The following KIF21A variants were observed in gnomAD, a reference collection of about 807,000 sequenced individuals.
KIF21A encodes the protein kinesin-like protein KIF21A.
Under a neutral mutation model 202.9 loss-of-function variants are expected in KIF21A, and 114 were observed. The ratio of observed to expected loss-of-function variants is 0.56; its 90% CI spans 0.48 to 0.66. The LOEUF is 0.66. Among genes scored for constraint, KIF21A ranks in the 30% least tolerant of loss-of-function variants. KIF21A has a pLI of 0.00. For missense variants in KIF21A, 1,677 were observed against 1,994.9 expected (o/e 0.84, Z 3.04); for synonymous variants, 667 against 670.8 (o/e 0.99, Z 0.09).
At chr12:39,341,951 A>G in intron 13 of KIF21A, 83 bp downstream of exon 13, 1 of 924,020 alleles carries the variant, frequency 1.1e-6, no homozygotes, top group South Asian at 1.3e-5. Context: ...TCACTTTTCT[A>G]CAAGTAAGTT....
At chr12:39,324,212 T>G (rs556456049) in intron 26 of KIF21A, among the ~76,000 whole-genome samples, 1 of 152,266 alleles carries the variant, frequency 6.6e-6, no homozygotes, top group South Asian at 2.1e-4. Flanking sequence ...GAAAGCCCTG[T>G]AGCCATTTTT....
At chr12:39,372,163 G>T (rs1950007954) in intron 1 of KIF21A, among the ~76,000 whole-genome samples, 2 of 152,024 alleles carry the variant, frequency 1.3e-5, no homozygotes, top group Non-Finnish European at 2.9e-5. Context: ...TAAAATAAAA[G>T]GTTAACAGGA....
At chr12:39,386,646 T>C (rs1157058192) in intron 1 of KIF21A, among the ~76,000 whole-genome samples, 1 of 152,162 alleles carries the variant, frequency 6.6e-6, no homozygotes, top group Non-Finnish European at 1.5e-5. Context: ...TTAGTATGGA[T>C]TGGCTACTTC....
At chr12:39,331,503 T>G (rs192343122) in intron 22 of KIF21A, among the ~76,000 whole-genome samples, 187 bp downstream of exon 22, 1 of 152,210 alleles carries the variant, frequency 6.6e-6, no homozygotes, top group Admixed American at 6.5e-5. Context: ...ATGGATAACA[T>G]GCTAATGAAA....
In KIF21A at chr12:39,396,727, T is replaced by C. The variant is rs145673146; in HGVS notation, c.45-26466A>G. On this transcript the variant is annotated intron_variant, in intron 1 of 37. Transcript: ENST00000361418. ...AAGTTCCCAAACTGGGGAAGACATA[T>C]GTAATGTCTTTGGGTAGACATAGAA... Among the ~76,000 whole-genome samples, 55 of 152,276 alleles carry C rather than the reference T, an allele frequency of 3.6e-4. No individual in the cohort carries two copies. The East Asian group carries it at 8.3e-3, about 23-fold the overall frequency.
chr12:39,407,430 T>C (rs1271089151), intron 1 of KIF21A, among the ~76,000 whole-genome samples: 1 of 152,194 alleles, frequency 6.6e-6, no homozygotes, highest in South Asian at 2.1e-4. Context: ...TACTCAGGCC[T>C]TTGTCTCTAC....
rs1942030070 is a variant in KIF21A, at chr12:39,293,481, T to C, written c.*943A>G. ...AGATAGTCTCTCTATACAATCTACCTATTTACATAGCTTTTCCCACCACAG... is the reference window on the plus strand; with the variant it reads ...AGATAGTCTCTCTATACAATCTACCCATTTACATAGCTTTTCCCACCACAG... On this transcript the variant is annotated 3_prime_UTR_variant, in exon 38 of 38. Coordinates refer to ENST00000361418, the MANE Select transcript of KIF21A (RefSeq NM_001173464.2). The C allele has an allele frequency of 6.6e-6, 1 of 152,626 alleles. No individual in the cohort carries two copies. Among genetic ancestry groups the C allele is most frequent in the African/African-American group, 2.4e-5 (1 of 41,454 alleles). 9.5% of individuals were successfully genotyped at this position (152,626 alleles called of 1,614,324 possible).
At chr12:39,433,896 G>A (rs9788260) in intron 1 of KIF21A, among the ~76,000 whole-genome samples, 12,419 of 152,172 alleles carry the variant, frequency 0.082, 643 homozygotes, top group South Asian at 0.28. Flanking sequence ...GTGTAAGTAA[G>A]AGATACTCAA....
chr12:39,311,328 T>C, intron 32 of KIF21A, 89 bp downstream of exon 32: 1 of 1,199,536 alleles, frequency 8.3e-7, no homozygotes, highest in Non-Finnish European at 1.2e-6. Context: ...TGGTCTTAAA[T>C]AGTTTGACAG....
chr12:39,308,875 CT>C (rs768709830), intron 33 of KIF21A, among the ~76,000 whole-genome samples: 1 of 152,140 alleles, frequency 6.6e-6, no homozygotes, highest in Non-Finnish European at 1.5e-5. Flanking sequence ...CAAAACAGCA[CT>C]TAAAAACAGT....
intron 1 of KIF21A, among the ~76,000 whole-genome samples, chr12:39,427,587 A>T (rs959289870): frequency 7.9e-5 from 12 of 152,274 alleles, no homozygotes; most frequent in African/African-American, 2.7e-4. Context: ...AAATTATGCA[A>T]TGTGCAAATA....
At chr12:39,418,438 T>C (rs1953965172) in intron 1 of KIF21A, among the ~76,000 whole-genome samples, 2 of 152,212 alleles carry the variant, frequency 1.3e-5, no homozygotes, top group African/African-American at 2.4e-5. Flanking sequence ...GGGTAACTGA[T>C]ACATGAAAAC....
intron 30 of KIF21A, 33 bp downstream of exon 30, chr12:39,315,899 T>G: frequency 6.4e-7 from 1 of 1,558,548 alleles, no homozygotes; most frequent in Non-Finnish European, 8.9e-7. Flanking sequence ...TCAATGAAAT[T>G]CCAGAATGTA....
At chr12:39,336,644 T>C (rs1479838052) in intron 17 of KIF21A, among the ~76,000 whole-genome samples, 2 of 152,170 alleles carry the variant, frequency 1.3e-5, no homozygotes, top group Admixed American at 6.5e-5. Context: ...GGAAGTAGAA[T>C]CTTGAGTCAA....
At chr12:39,392,471 T>C (rs1424099343) in intron 1 of KIF21A, among the ~76,000 whole-genome samples, 4 of 152,172 alleles carry the variant, frequency 2.6e-5, no homozygotes, top group African/African-American at 7.2e-5. Context: ...CAGCATTTCC[T>C]TGAAGGAGCT....
chr12:39,436,775 G>A lies in KIF21A; in HGVS notation c.44+6152C>T, dbSNP rs868353362. 5.9e-5 allele frequency among the ~76,000 whole-genome samples: 9 copies of A among 151,922 alleles called. No individual in the cohort carries two copies. The East Asian group carries it at 1.5e-3, about 26-fold the overall frequency. ...TTGCTTCAAATAATGCCTGAGCCAC[G>A]GGAAAACTATTTTAACACTCTGAGA... On this transcript the variant is annotated intron_variant, in intron 1 of 37. Coordinates refer to ENST00000361418, the MANE Select transcript of KIF21A (RefSeq NM_001173464.2).
intron 1 of KIF21A, among the ~76,000 whole-genome samples, chr12:39,410,200 G>C (rs1376457335): frequency 6.6e-6 from 1 of 152,162 alleles, no homozygotes; most frequent in Non-Finnish European, 1.5e-5. Flanking sequence ...CTAGAAGCTA[G>C]AAAAGGAAAG....
At chr12:39,367,378 T>C (rs1949673543) in intron 4 of KIF21A, among the ~76,000 whole-genome samples, 1 of 152,222 alleles carries the variant, frequency 6.6e-6, no homozygotes. Context: ...TGAGATTCCA[T>C]TGTTGGCCAT....
intron 34 of KIF21A, among the ~76,000 whole-genome samples, chr12:39,305,431 G>A (rs953728064): frequency 6.6e-6 from 1 of 150,874 alleles, no homozygotes; most frequent in African/African-American, 2.4e-5. Flanking sequence ...GAAGTGCGGT[G>A]GCTATTCACA....
Sources: allele counts gnomAD v4.1 joint callset (sites outside exome capture counted in the v4.1 genomes callset), GRCh38; gene constraint gnomAD v4.1.1; transcripts MANE v1.5; gene names NCBI Gene and HGNC (gene_info 2026-07-23, HGNC 2026-07-21).